The following AFF3 variants were observed in gnomAD, a reference collection of about 807,000 sequenced individuals.
The protein encoded by AFF3 is ALF transcription elongation factor 3.
A neutral mutation model predicts 129.7 loss-of-function variants in AFF3; 32 were observed. The ratio of observed to expected loss-of-function variants is 0.25; its 90% CI spans 0.19 to 0.33. The LOEUF is 0.33. AFF3 is among the 10% of genes least tolerant of loss of function. The probability of loss-of-function intolerance (pLI) is 1.00; values close to 1 mark genes in which losing one functional copy is unlikely to be tolerated. For synonymous variants in AFF3, 644 were observed against 635.4 expected (o/e 1.01, Z -0.20); for missense variants, 1,373 against 1,592.0 (o/e 0.86, Z 2.34).
chr2:99,616,341 CT>C (rs1034244897), intron 13 of AFF3, among the ~76,000 whole-genome samples: 66 of 148,364 alleles, frequency 4.4e-4, no homozygotes, highest in East Asian at 2.0e-3. Context: ...AGCTCTTTGA[CT>C]TTTTTTTTTT....
chr2:100,139,219 C>T (rs1298104508), intron 1 of AFF3, among the ~76,000 whole-genome samples: 3 of 152,164 alleles, frequency 2.0e-5, no homozygotes, highest in African/African-American at 7.2e-5. Flanking sequence ...CCCTTTCTCT[C>T]TTCATTATCC....
At chr2:99,667,461 A>G (rs1686772221) in intron 12 of AFF3, among the ~76,000 whole-genome samples, 1 of 152,220 alleles carries the variant, frequency 6.6e-6, no homozygotes, top group South Asian at 2.1e-4. Context: ...AAACTAGAAA[A>G]TGGGCAAAAA....
At chr2:100,025,392 A>G (rs1197156642) in intron 4 of AFF3, among the ~76,000 whole-genome samples, 1 of 152,248 alleles carries the variant, frequency 6.6e-6, no homozygotes, top group African/African-American at 2.4e-5. Flanking sequence ...GCTGAAAGAA[A>G]TCACAGATGA....
intron 8 of AFF3, among the ~76,000 whole-genome samples, chr2:99,796,514 C>T (rs562418904): frequency 3.3e-4 from 50 of 152,132 alleles, no homozygotes; most frequent in Non-Finnish European, 4.1e-4. Context: ...TGTATGACTG[C>T]CCCAGCTTAC....
Position 99,690,416 on chromosome 2 carries a change from C to T in AFF3, c.1092-17827G>A, listed in dbSNP as rs920848308. 2.4e-4 allele frequency among the ~76,000 whole-genome samples: 37 copies of T among 151,782 alleles called. No homozygotes were observed. The South Asian group carries it at 3.1e-3, about 13-fold the overall frequency. ...CAGGATGGTCTCGATCTCCTGACCT[C>T]GTGATCCGCCCGCCTCGGCCTCCCA... On this transcript the variant is annotated intron_variant, in intron 11 of 24. Transcript: ENST00000672756.
intron 4 of AFF3, among the ~76,000 whole-genome samples, chr2:100,042,284 A>G (rs896415095): frequency 6.6e-6 from 1 of 152,204 alleles, no homozygotes; most frequent in East Asian, 1.9e-4. Flanking sequence ...CACCCCAGCG[A>G]GTGCTGCCTT....
intron 11 of AFF3, among the ~76,000 whole-genome samples, chr2:99,698,576 G>A (rs187833214): frequency 6.6e-6 from 1 of 152,322 alleles, no homozygotes; most frequent in Non-Finnish European, 1.5e-5. Flanking sequence ...TTTAGGTTCT[G>A]CCAATAATTG....
chr2:99,813,083 C>A (rs534898250), intron 8 of AFF3, among the ~76,000 whole-genome samples: 2 of 152,014 alleles, frequency 1.3e-5, no homozygotes, highest in Non-Finnish European at 2.9e-5. Context: ...TACAAGTCTG[C>A]GCTTCCCTTC....
intron 12 of AFF3, among the ~76,000 whole-genome samples, chr2:99,653,998 A>T (rs1484199790): frequency 6.7e-6 from 1 of 149,486 alleles, no homozygotes. Flanking sequence ...TCCTGCTTCA[A>T]CCTCCAGAGT....
At chr2:100,087,940 T>A (rs1405162905) in intron 4 of AFF3, among the ~76,000 whole-genome samples, 1 of 150,352 alleles carries the variant, frequency 6.7e-6, no homozygotes, top group Non-Finnish European at 1.5e-5. Context: ...TCTCAATACA[T>A]GTAGAAAAGC....
At chr2:99,719,542 T>C (rs904839077) in intron 11 of AFF3, among the ~76,000 whole-genome samples, 1 of 152,232 alleles carries the variant, frequency 6.6e-6, no homozygotes, top group Non-Finnish European at 1.5e-5. Flanking sequence ...AGTTCATTTG[T>C]TGGTGTTCCA....
chr2:99,605,180 T>C (rs1680205635), intron 13 of AFF3, among the ~76,000 whole-genome samples: 4 of 152,252 alleles, frequency 2.6e-5, no homozygotes, highest in Non-Finnish European at 5.9e-5. Context: ...ACGTTAATGT[T>C]TTCCTTTCTT....
chr2:99,608,633 C>T (rs977940197), intron 13 of AFF3, among the ~76,000 whole-genome samples: 1 of 152,108 alleles, frequency 6.6e-6, no homozygotes, highest in African/African-American at 2.4e-5. Context: ...GCTCCCCAGC[C>T]GAGGGGAAGG....
chr2:99,859,690 T>A (rs541335850), intron 7 of AFF3, among the ~76,000 whole-genome samples: 167 of 152,324 alleles, frequency 1.1e-3, no homozygotes, highest in Non-Finnish European at 1.8e-3. Context: ...GTCAATTTTT[T>A]AAAAAAGTAC....
intron 12 of AFF3, among the ~76,000 whole-genome samples, chr2:99,672,215 CACACACACACACACACAT>C (rs1289798249): frequency 2.4e-4 from 7 of 29,274 alleles, no homozygotes; most frequent in Non-Finnish European, 3.5e-4. Context: ...CACACACACA[CACACACACACACACACAT>C]GAATAAATAA....
chr2:99,593,942 C>G lies in AFF3; in HGVS notation c.1719G>C (p.Glu573Asp), dbSNP rs1679017514. The change falls in exon 15 of 25, where the codon GAG (glutamate) becomes GAC (aspartate). Residue 573 changes from glutamate (E) to aspartate (D), a missense_variant. Transcript: ENST00000672756. ...PPPAVPCAPA[E>D]NAPAPARRSA... ...ACCTCCGGGCAGGCGCGGGCGCGTT[C>G]TCCGCGGGCGCACAGGGCACTGCGG... 1 of 1,429,426 alleles carries G rather than the reference C, an allele frequency of 7.0e-7. No individual in the cohort carries two copies. Among genetic ancestry groups the G allele is most frequent in the African/African-American group, 1.5e-5 (1 of 66,668 alleles). The allele number at this position is 1,429,426 out of a possible 1,614,324, so 88.5% of individuals were successfully genotyped here.
intron 19 of AFF3, among the ~76,000 whole-genome samples, chr2:99,566,878 GAA>G (rs1439906407): frequency 6.6e-6 from 1 of 151,702 alleles, no homozygotes; most frequent in East Asian, 1.9e-4. Flanking sequence ...TTCAAAACCA[GAA>G]ATGCAGAGCA....
At chr2:99,853,545 G>A (rs1018353327) in intron 7 of AFF3, among the ~76,000 whole-genome samples, 1 of 152,076 alleles carries the variant, frequency 6.6e-6, no homozygotes, top group Non-Finnish European at 1.5e-5. Flanking sequence ...TAATCTCATC[G>A]AGTATCGTAA....
intron 11 of AFF3, among the ~76,000 whole-genome samples, chr2:99,726,557 A>G (rs1490242072): frequency 3.3e-5 from 5 of 152,234 alleles, no homozygotes; most frequent in Non-Finnish European, 1.5e-5. Flanking sequence ...CAGACAAAAC[A>G]TAGAGTGAGG....
Sources: gnomAD v4.1 joint callset for allele counts (sites outside exome capture counted in the v4.1 genomes callset) on GRCh38, gnomAD v4.1.1 for gene constraint, MANE v1.5 for transcripts, NCBI Gene and HGNC (gene_info 2026-07-23, HGNC 2026-07-21) for gene names.